The following ADAMTSL1 variants were observed in gnomAD, a reference collection of about 807,000 sequenced individuals.
The protein encoded by ADAMTSL1 is ADAMTS-like protein 1.
ADAMTSL1 carries 126 observed loss-of-function variants against 201.8 expected under a neutral mutation model. The observed-to-expected ratio is 0.62, with a 90% CI of 0.54 to 0.72. ADAMTSL1 has a LOEUF of 0.72. Among genes scored for constraint, ADAMTSL1 ranks in the 30% least tolerant of loss-of-function variants. The probability of loss-of-function intolerance (pLI) is 0.00; values close to 1 mark genes in which losing one functional copy is unlikely to be tolerated. For synonymous variants in ADAMTSL1, 1,121 were observed against 903.4 expected, an observed-to-expected ratio of 1.24 and a Z score of -4.32; for missense variants, 2,679 against 2,277.8, an observed-to-expected ratio of 1.18 and a Z score of -3.59.
At chr9:18,785,782 G>A (rs759062323) in intron 19 of ADAMTSL1, among the ~76,000 whole-genome samples, 12 of 152,298 alleles carry the variant, frequency 7.9e-5, no homozygotes, top group East Asian at 1.9e-4. Context: ...GTATTCCTAC[G>A]TCTAAATCCA....
chr9:18,776,638 C>T (rs1384878424), intron 18 of ADAMTSL1, 143 bp from the exon 19 acceptor site: 4 of 994,806 alleles, frequency 4.0e-6, no homozygotes, highest in Admixed American at 3.1e-5. Context: ...AATACTTTCT[C>T]TCCCGTCCTC....
chr9:18,056,906 C>G (rs1217001501), intron 1 of ADAMTSL1, among the ~76,000 whole-genome samples: 1 of 152,060 alleles, frequency 6.6e-6, no homozygotes, highest in Admixed American at 6.6e-5. Flanking sequence ...TTTTTCAAGA[C>G]TGGAGCCTTA....
intron 2 of ADAMTSL1, among the ~76,000 whole-genome samples, chr9:18,321,519 C>T (rs1216099634): frequency 6.6e-6 from 1 of 152,100 alleles, no homozygotes; most frequent in Non-Finnish European, 1.5e-5. Flanking sequence ...TTTGGCTGGG[C>T]GCGGTGGCTC....
intron 2 of ADAMTSL1, among the ~76,000 whole-genome samples, chr9:18,171,690 C>G (rs772896187): frequency 3.3e-5 from 5 of 152,106 alleles, no homozygotes; most frequent in Non-Finnish European, 7.4e-5. Context: ...TTAATCAGAT[C>G]CCATTTGTCT....
intron 11 of ADAMTSL1, chr9:18,680,806 C>T (rs1830427502): frequency 4.9e-6 from 2 of 409,524 alleles, no homozygotes; most frequent in Non-Finnish European, 4.5e-6. Flanking sequence ...GTAATTGAGG[C>T]TGAATGAATG....
intron 2 of ADAMTSL1, among the ~76,000 whole-genome samples, chr9:18,196,279 A>G (rs1379612456): frequency 6.6e-6 from 1 of 152,044 alleles, no homozygotes; most frequent in Non-Finnish European, 1.5e-5. Context: ...ATAAAATAAC[A>G]TGAGTTTATT....
At chr9:18,852,873 A>G (rs1475814006) in intron 23 of ADAMTSL1, among the ~76,000 whole-genome samples, 1 of 152,248 alleles carries the variant, frequency 6.6e-6, no homozygotes, top group Non-Finnish European at 1.5e-5. Context: ...TTGTTGCCTT[A>G]TTCCTAGGGC....
intron 23 of ADAMTSL1, among the ~76,000 whole-genome samples, chr9:18,878,140 A>C (rs987470198): frequency 1.3e-5 from 2 of 152,122 alleles, no homozygotes; most frequent in African/African-American, 2.4e-5. Flanking sequence ...AATAGCACCA[A>C]GTTTATTTGC....
rs569850298 is a variant in ADAMTSL1 at position 18,184,924 on chromosome 9, G to T, written c.207+20943G>T. Among the ~76,000 whole-genome samples, 3 of 152,238 alleles carry T rather than the reference G, an allele frequency of 2.0e-5. No homozygotes were observed. In the East Asian group the frequency reaches 5.8e-4, roughly 29 times the overall value. On this transcript the variant is annotated intron_variant, in intron 2 of 29. Transcript: ENST00000680146. ...AAGGCCCTTTGGTCTCCTGTTTTGG[G>T]TCTATTGTTCTAACTTTGCATTTCA... is the stretch of plus-strand genomic sequence containing the variant.
chr9:18,182,921 G>A (rs973981034), intron 2 of ADAMTSL1, among the ~76,000 whole-genome samples: 3 of 152,118 alleles, frequency 2.0e-5, no homozygotes, highest in Admixed American at 6.5e-5. Flanking sequence ...TACAAGTAAG[G>A]AAACTGAAGC....
intron 2 of ADAMTSL1, among the ~76,000 whole-genome samples, chr9:18,352,069 T>C (rs1835990344): frequency 6.6e-6 from 1 of 152,150 alleles, no homozygotes; most frequent in Non-Finnish European, 1.5e-5. Flanking sequence ...CAAACTTTTT[T>C]TTTTAGTATC....
chr9:18,307,560 A>G (rs1833957125), intron 2 of ADAMTSL1, among the ~76,000 whole-genome samples: 1 of 152,164 alleles, frequency 6.6e-6, no homozygotes, highest in Non-Finnish European at 1.5e-5. Context: ...CTCTCATAAA[A>G]CAGACTTTAA....
At chr9:18,217,379 A>T (rs1471331359) in intron 2 of ADAMTSL1, among the ~76,000 whole-genome samples, 1 of 152,034 alleles carries the variant, frequency 6.6e-6, no homozygotes, top group Non-Finnish European at 1.5e-5. Flanking sequence ...CTTTCAGGCA[A>T]ATGTTTCTTG....
chr9:18,489,922 C>T (rs1029230145), intron 1 of ADAMTSL1, among the ~76,000 whole-genome samples: 15 of 152,156 alleles, frequency 9.9e-5, no homozygotes, highest in African/African-American at 2.9e-4. Flanking sequence ...TCCTAAAATG[C>T]CCATAAACCT....
chr9:18,516,811 C>G (rs1391308116), intron 2 of ADAMTSL1, among the ~76,000 whole-genome samples: 1 of 152,182 alleles, frequency 6.6e-6, no homozygotes, highest in Non-Finnish European at 1.5e-5. Flanking sequence ...GAGACAGTTT[C>G]TCCTCCAGAT....
intron 1 of ADAMTSL1, among the ~76,000 whole-genome samples, chr9:18,060,801 A>T (rs996020468): frequency 5.0e-4 from 76 of 152,262 alleles, no homozygotes; most frequent in African/African-American, 1.8e-3. Context: ...AATCAATGTC[A>T]TTGCTAATCT....
intron 23 of ADAMTSL1, among the ~76,000 whole-genome samples, chr9:18,875,769 G>A (rs1246871939): frequency 1.3e-5 from 2 of 152,128 alleles, no homozygotes; most frequent in African/African-American, 4.8e-5. Flanking sequence ...AAATCCATTT[G>A]TTCTAGGTTA....
chr9:18,807,357 A>G lies in ADAMTSL1; in HGVS notation c.3806-9752A>G, dbSNP rs186463068. On this transcript the variant is annotated intron_variant, in intron 20 of 28. Transcript: ENST00000380548. ...AAATGGCTGTTCACAAAGCATACAT[A>G]GTACAGGCCGGGCGCGGTAGCTCAC... Among the ~76,000 whole-genome samples the G allele has an allele frequency of 1.4e-3, 214 of 152,346 alleles. 2 individuals carry two copies. Among genetic ancestry groups the G allele is most frequent in the Non-Finnish European group, 1.9e-4 (13 of 68,038 alleles).
chr9:18,784,170 A>G (rs1821564484), intron 19 of ADAMTSL1, among the ~76,000 whole-genome samples: 1 of 152,174 alleles, frequency 6.6e-6, no homozygotes, highest in South Asian at 2.1e-4. Flanking sequence ...CCTTCCTTAC[A>G]GGAAGCCTAT....
Sources: allele counts gnomAD v4.1 joint callset (sites outside exome capture counted in the v4.1 genomes callset), GRCh38; gene constraint gnomAD v4.1.1; transcripts MANE v1.5; gene names NCBI Gene and HGNC (gene_info 2026-07-23, HGNC 2026-07-21).